The following NPTX2 variants were observed in gnomAD, a reference collection of about 807,000 sequenced individuals.
NPTX2 encodes neuronal pentraxin 2.
Under a neutral mutation model 38.1 loss-of-function variants are expected in NPTX2, and 23 were observed. The observed-to-expected ratio is 0.60, with a 90% confidence interval of 0.43 to 0.85. NPTX2 has a LOEUF of 0.85. Ranked by LOEUF, NPTX2 falls within the 40% of genes least tolerant of loss-of-function variation. NPTX2 has a pLI of 0.00. For synonymous variants in NPTX2, 291 were observed against 287.3 expected (o/e 1.01, Z -0.13); for missense variants, 553 against 615.3 (o/e 0.90, Z 1.07).
intron 2 of NPTX2, among the ~76,000 whole-genome samples, chr7:98,621,009 C>T (rs183125906): frequency 3.2e-4 from 48 of 152,202 alleles, no homozygotes; most frequent in African/African-American, 1.1e-3. Context: ...AAAAAGACTC[C>T]GTTCTCAGTG....
Position 98,617,801 on chromosome 7 carries a change from G to C in NPTX2, c.340G>C (p.Gly114Arg), listed in dbSNP as rs1482799387. Residue 114 changes from glycine to arginine, a missense_variant, in exon 1 of 5, where the codon GGC becomes CGC. Transcript: ENST00000265634. The part of the protein sequence containing the change: ...GAGATGKDTM[G>R]DLPRDPGHVV... ...GGGGGCCACGGGCAAGGACACTATG[G>C]GCGACCTGCCGCGGGACCCCGGCCA... is the stretch of plus-strand genomic sequence containing the variant. The C allele has an allele frequency of 6.5e-7, 1 of 1,530,230 alleles. No individual in the cohort carries two copies. The highest frequency in any genetic ancestry group is 8.7e-7 in the Non-Finnish European group (1 of 1,146,072). The allele number at this position is 1,530,230 out of a possible 1,614,324, so 94.8% of individuals were successfully genotyped here.
chr7:98,625,282 T>C (rs1320812536), intron 3 of NPTX2, 116 bp downstream of exon 3: 1 of 1,318,284 alleles, frequency 7.6e-7, no homozygotes, highest in Admixed American at 2.3e-5. Context: ...GTCCCAGACA[T>C]GGGACTGCGG....
intron 1 of NPTX2, among the ~76,000 whole-genome samples, chr7:98,618,335 A>C (rs1489023060): frequency 1.3e-5 from 2 of 152,006 alleles, no homozygotes; most frequent in East Asian, 3.9e-4. Flanking sequence ...TGCCCCGGGC[A>C]TGTGGTGTTT....
chr7:98,624,873 G>C (rs1487144417), intron 2 of NPTX2, 49 bp from the exon 3 acceptor site: 1 of 1,577,578 alleles, frequency 6.3e-7, no homozygotes, highest in African/African-American at 1.3e-5. Flanking sequence ...GCTGGTGGGT[G>C]GTGGGGTGGC....
Position 98,625,080 on chromosome 7 carries a change from T to A in NPTX2, c.802T>A (p.Phe268Ile), listed in dbSNP as rs184760045. The change falls in exon 3 of 5, where the codon TTC becomes ATC. Residue 268 changes from phenylalanine to isoleucine, a missense_variant. Coordinates refer to ENST00000265634, the MANE Select transcript of NPTX2 (RefSeq NM_002523.3). ...CGCCTCACCAGGCATTGGCACCCCC[T>A]TCTCCTATGCGGTGCCAGGGCAGGC... ...SSASPGIGTP[F>I]SYAVPGQANE... 54 of 1,613,178 alleles carry A rather than the reference T, an allele frequency of 3.3e-5. No individual in the cohort carries two copies. The East Asian group carries it at 1.2e-3, about 35-fold the overall frequency.
chr7:98,622,875 T>C (rs1391095043), intron 2 of NPTX2, among the ~76,000 whole-genome samples: 1 of 152,176 alleles, frequency 6.6e-6, no homozygotes, highest in Non-Finnish European at 1.5e-5. Context: ...GCCCAGATTC[T>C]AGAATGTACA....
chr7:98,623,427 A>G (rs1268501471), intron 2 of NPTX2, among the ~76,000 whole-genome samples: 1 of 152,162 alleles, frequency 6.6e-6, no homozygotes, highest in Non-Finnish European at 1.5e-5. Flanking sequence ...TAGAAGTGCC[A>G]ATGACATAGG....
rs1562851443 is a variant in NPTX2 at position 98,627,202 on chromosome 7, G to A, written c.926G>A (p.Trp309Ter). Residue 309 changes from tryptophan (W) to a stop codon, truncating the protein, a stop_gained, in exon 4 of 5, where the codon TGG (tryptophan) becomes TAG (stop). Transcript: ENST00000265634. LOFTEE classifies it high-confidence loss of function. Reference sequence around the variant, plus strand: ...CCCCTGTTTGTCAGTGACGGCAAGTGGCACCACATCTGTGTCACCTGGACG... The same window carrying A: ...CCCCTGTTTGTCAGTGACGGCAAGTAGCACCACATCTGTGTCACCTGGACG... ...QLPLFVSDGKWHHICVTWTTR... is the reference protein window; with the variant it reads ...QLPLFVSDGK The A allele has an allele frequency of 6.2e-7, 1 of 1,613,802 alleles. No individual in the cohort carries two copies.
intron 2 of NPTX2, among the ~76,000 whole-genome samples, chr7:98,621,235 C>T (rs1791264862): frequency 6.6e-6 from 1 of 152,158 alleles, no homozygotes; most frequent in Non-Finnish European, 1.5e-5. Flanking sequence ...CCAGCCTGTC[C>T]ATTACCAGCC....
At chr7:98,618,449 A>T (rs368236256) in intron 1 of NPTX2, among the ~76,000 whole-genome samples, 1 of 152,030 alleles carries the variant, frequency 6.6e-6, no homozygotes, top group Non-Finnish European at 1.5e-5. Context: ...CAGAGCGCGC[A>T]TTAGAGGGGC....
At position 98,617,720 on chromosome 7, in the gene NPTX2, C is replaced by G; in HGVS notation, c.259C>G (p.Leu87Val). The change falls in exon 1 of 5, where the codon CTC becomes GTC. Residue 87 changes from leucine (L) to valine (V), a missense_variant. Physicochemically the swap from Leu to Val is conservative, Grantham distance 32 (BLOSUM62 1). Transcript: ENST00000265634. Reference sequence around the variant, plus strand: ...CGCGCAGCGCGAGGCCATCCGCGAGCTCACGGGCAAGCTAGCGCGCTGCGA... The same window carrying G: ...CGCGCAGCGCGAGGCCATCCGCGAGGTCACGGGCAAGCTAGCGCGCTGCGA... ...LGAQREAIRE[L>V]TGKLARCEGL... 4.2e-6 allele frequency: 6 copies of G among 1,430,454 alleles called. No individual in the cohort carries two copies. Among genetic ancestry groups the G allele is most frequent in the Non-Finnish European group, 5.4e-6 (6 of 1,104,004 alleles). The allele number at this position is 1,430,454 out of a possible 1,614,324, so 88.6% of individuals were successfully genotyped here.
Position 98,619,668 on chromosome 7 carries a change from A to T in NPTX2, c.452A>T (p.Asn151Ile), listed in dbSNP as rs561845364. ...LEHQLRANVS[N>I]AGLPGDFREV... Reference sequence around the variant, plus strand: ...CACCAGCTCAGAGCAAACGTGTCCAATGCTGGGCTGCCCGGCGACTTCCGC... The same window carrying T: ...CACCAGCTCAGAGCAAACGTGTCCATTGCTGGGCTGCCCGGCGACTTCCGC... Residue 151 changes from asparagine to isoleucine, a missense_variant, in exon 2 of 5, where the codon AAT (asparagine) becomes ATT (isoleucine). Coordinates refer to ENST00000265634, the MANE Select transcript of NPTX2 (RefSeq NM_002523.3). 2 of 1,613,258 alleles carry T rather than the reference A, an allele frequency of 1.2e-6. No individual in the cohort carries two copies. The highest frequency in any genetic ancestry group is 1.7e-6 in the Non-Finnish European group (2 of 1,180,006).
chr7:98,625,648 C>T (rs1442670968), intron 3 of NPTX2, among the ~76,000 whole-genome samples: 2 of 152,124 alleles, frequency 1.3e-5, no homozygotes, highest in African/African-American at 4.8e-5. Flanking sequence ...AACAAATGCA[C>T]ACAGTTGTGT....
Position 98,628,626 on chromosome 7 carries a change from G to A in NPTX2, c.1293G>A (p.Leu431=). The A allele has an allele frequency of 6.7e-7, 1 of 1,488,836 alleles. No individual in the cohort carries two copies. The highest frequency in any genetic ancestry group is 1.3e-5 in the South Asian group (1 of 78,222). The allele number at this position is 1,488,836 out of a possible 1,614,324, so 92.2% of individuals were successfully genotyped here. ...CGTGTGAGGAGCGTCTCCTTGACTT[G>A]TAGCCGCCTTCTCCTCTGTCCAGGA... ...VETCEERLLD[L] is the part of the protein sequence containing the mutation. Residue 431 remains leucine (L), a synonymous_variant, in exon 5 of 5, where the codon TTG becomes TTA. Coordinates refer to ENST00000265634, the MANE Select transcript of NPTX2 (RefSeq NM_002523.3).
In NPTX2 at chr7:98,617,603, A is replaced by G. The variant is rs773109863; in HGVS notation, c.142A>G (p.Met48Val). ...HAGCPLPAMP[M>V]QGGAQSPEEE... The stretch of plus-strand genomic sequence containing the variant: ...CGGCTGCCCGCTGCCCGCGATGCCC[A>G]TGCAGGGCGGCGCGCAGAGTCCCGA... The change falls in exon 1 of 5, where the codon ATG becomes GTG. Residue 48 changes from methionine to valine, a missense_variant. Met to Val is a conservative substitution (Grantham distance 21). Transcript: ENST00000265634. The G allele has an allele frequency of 1.3e-5, 19 of 1,489,392 alleles. No individual in the cohort carries two copies. The South Asian group carries it at 2.3e-4, about 18-fold the overall frequency. The allele number at this position is 1,489,392 out of a possible 1,614,324, so 92.3% of individuals were successfully genotyped here. A position where few individuals can be genotyped will look rare whatever the true frequency, so the allele number is the denominator to read the frequency against.
intron 2 of NPTX2, 130 bp from the exon 3 acceptor site, chr7:98,624,792 T>C (rs1028044813): frequency 2.6e-6 from 3 of 1,174,650 alleles, no homozygotes; most frequent in Non-Finnish European, 3.6e-6. Flanking sequence ...CTTTGGTCGC[T>C]TGCTGGAGGG....
Position 98,619,792 on chromosome 7 carries a change from G to A in NPTX2, c.576G>A (p.Ser192=), listed in dbSNP as rs750575428. Residue 192 remains serine (S), a synonymous_variant, in exon 2 of 5, where the codon TCG becomes TCA. Coordinates refer to ENST00000265634, the MANE Select transcript of NPTX2 (RefSeq NM_002523.3). ...DEKSLLHNET[S]AHRQKTESTL... is the part of the protein sequence containing the mutation. ...AGTCCCTGCTGCACAATGAGACCTC[G>A]GCTCACCGGCAGAAGACCGAGAGCA... 5.6e-6 allele frequency: 9 copies of A among 1,613,724 alleles called. No homozygotes were observed. The highest frequency in any genetic ancestry group is 1.6e-4 in the Middle Eastern group (1 of 6,082).
chr7:98,619,972 G>C (rs1297052943), intron 2 of NPTX2, 113 bp downstream of exon 2: 1 of 907,306 alleles, frequency 1.1e-6, no homozygotes, highest in African/African-American at 1.6e-5. Context: ...CATGGGCCTG[G>C]TTCCCGAGTG....
intron 1 of NPTX2, among the ~76,000 whole-genome samples, chr7:98,618,637 A>C (rs889738672): frequency 1.8e-5 from 2 of 113,134 alleles, no homozygotes; most frequent in Admixed American, 1.1e-4. Context: ...TCTCATCTCT[A>C]TCTCTGAAAA....
Sources: gnomAD v4.1 joint callset for allele counts (sites outside exome capture counted in the v4.1 genomes callset) on GRCh38, gnomAD v4.1.1 for gene constraint, MANE v1.5 for transcripts, NCBI Gene and HGNC (gene_info 2026-07-23, HGNC 2026-07-21) for gene names.